DLGAP1: variants seen among roughly 807,000 people sequenced by gnomAD.
DLGAP1 encodes disks large-associated protein 1.
DLGAP1 carries 11 observed loss-of-function variants against 90.8 expected under a neutral mutation model. The observed-to-expected ratio is 0.12, with a 90% confidence interval of 0.08 to 0.20. The LOEUF (loss-of-function observed/expected upper bound fraction) is 0.20, where lower values mean the gene tolerates loss of function less well. Ranked by LOEUF, DLGAP1 falls within the 10% of genes least tolerant of loss-of-function variation. The probability of loss-of-function intolerance (pLI) is 1.00; values close to 1 mark genes in which losing one functional copy is unlikely to be tolerated. For synonymous variants in DLGAP1, 558 were observed against 540.7 expected (o/e 1.03, Z -0.44); for missense variants, 1,050 against 1,333.8 (o/e 0.79, Z 3.31).
Position 4,203,032 on chromosome 18 carries a change from T to C in DLGAP1, c.-266-51745A>G, listed in dbSNP as rs778312040. Among the ~76,000 whole-genome samples, 97 of 152,206 alleles carry C rather than the reference T, an allele frequency of 6.4e-4. 1 individual carries two copies. The highest frequency in any genetic ancestry group is 1.2e-3 in the Non-Finnish European group (84 of 68,016). On this transcript the variant is annotated intron_variant, in intron 1 of 12. Transcript: ENST00000315677. ...GGCTCATGCCTGTAATCCTAGCACT[T>C]TGGGAGGCAGAGGTGGGCAGATATC... is the stretch of plus-strand genomic sequence containing the variant.
intron 1 of DLGAP1, among the ~76,000 whole-genome samples, chr18:4,187,902 C>G: frequency 6.6e-6 from 1 of 152,004 alleles, no homozygotes; most frequent in East Asian, 1.9e-4. Flanking sequence ...AAGTCTGAGG[C>G]ACGAGAATTA....
chr18:3,861,892 T>C (rs1044511678), intron 4 of DLGAP1, among the ~76,000 whole-genome samples: 2 of 152,242 alleles, frequency 1.3e-5, no homozygotes, highest in African/African-American at 4.8e-5. Flanking sequence ...TGAAGTGATC[T>C]CTCTCTTTCC....
At chr18:3,969,457 G>A (rs571110027) in intron 3 of DLGAP1, among the ~76,000 whole-genome samples, 26 of 152,188 alleles carry the variant, frequency 1.7e-4, no homozygotes, top group East Asian at 5.8e-4. Flanking sequence ...CATTCTAGCC[G>A]TAGGAAAAGA....
At chr18:3,839,884 A>T (rs962298514) in intron 4 of DLGAP1, among the ~76,000 whole-genome samples, 14 of 152,190 alleles carry the variant, frequency 9.2e-5, no homozygotes, top group Admixed American at 2.6e-4. Flanking sequence ...TCTCTTCTGA[A>T]CAGGACATTC....
chr18:4,119,631 C>T (rs1338024121), intron 2 of DLGAP1, among the ~76,000 whole-genome samples: 2 of 152,126 alleles, frequency 1.3e-5, no homozygotes, highest in Non-Finnish European at 2.9e-5. Flanking sequence ...AGAGCTAGGA[C>T]TAGAATCAGG....
At chr18:3,997,898 A>G (rs2149066671) in intron 3 of DLGAP1, among the ~76,000 whole-genome samples, 1 of 152,236 alleles carries the variant, frequency 6.6e-6, no homozygotes, top group East Asian at 1.9e-4. Context: ...ACGTGTACAG[A>G]ACATCTCAAT....
chr18:4,136,034 C>T (rs1372492314), intron 2 of DLGAP1, among the ~76,000 whole-genome samples: 4 of 151,596 alleles, frequency 2.6e-5, no homozygotes, highest in Non-Finnish European at 5.9e-5. Context: ...CACCTCATGA[C>T]AGGCCCGATG....
Position 3,502,288 on chromosome 18 carries a change from G to A in DLGAP1, c.2724+205C>T, listed in dbSNP as rs948259855. On this transcript the variant is annotated intron_variant, in intron 12 of 12. Transcript: ENST00000315677. ...CCCATTTTCCAATTCACAAAGACAGGTTTTTCTTTAAAAATATGCCTGAAA... is the reference window on the plus strand; with the variant it reads ...CCCATTTTCCAATTCACAAAGACAGATTTTTCTTTAAAAATATGCCTGAAA... The A allele has an allele frequency of 2.1e-5, 28 of 1,333,278 alleles. No individual in the cohort carries two copies. In the Admixed American group the frequency reaches 5.9e-4, roughly 28 times the overall value. The allele number at this position is 1,333,278 out of a possible 1,614,324, so 82.6% of individuals were successfully genotyped here. A position where few individuals can be genotyped will look rare whatever the true frequency, so the allele number is the denominator to read the frequency against.
At chr18:4,173,446 C>T (rs2077055988) in intron 1 of DLGAP1, among the ~76,000 whole-genome samples, 6 of 152,126 alleles carry the variant, frequency 3.9e-5, no homozygotes, top group Admixed American at 2.6e-4. Context: ...CATACAATGC[C>T]TCTCTCCTCA....
At chr18:3,908,210 G>A (rs1306772896) in intron 3 of DLGAP1, among the ~76,000 whole-genome samples, 1 of 152,114 alleles carries the variant, frequency 6.6e-6, no homozygotes, top group African/African-American at 2.4e-5. Context: ...TGGGCAAAAT[G>A]AGAAAAACAC....
intron 7 of DLGAP1, among the ~76,000 whole-genome samples, chr18:3,602,404 G>C (rs975743131): frequency 6.6e-6 from 1 of 151,978 alleles, no homozygotes; most frequent in Non-Finnish European, 1.5e-5. Context: ...GACCATCCTG[G>C]CTAAGACAGT....
intron 1 of DLGAP1, among the ~76,000 whole-genome samples, chr18:4,453,158 AT>A (rs1228449481): frequency 6.6e-6 from 1 of 152,210 alleles, no homozygotes; most frequent in African/African-American, 2.4e-5. Context: ...ACAACTTTAC[AT>A]TTAAGTACTA....
chr18:4,260,337 C>G (rs1456391090), intron 1 of DLGAP1, among the ~76,000 whole-genome samples: 1 of 152,306 alleles, frequency 6.6e-6, no homozygotes, highest in African/African-American at 2.4e-5. Flanking sequence ...TACAGTTATA[C>G]AGTTACCTTA....
intron 7 of DLGAP1, among the ~76,000 whole-genome samples, chr18:3,651,232 G>A (rs1245336114): frequency 1.2e-4 from 18 of 152,080 alleles, no homozygotes; most frequent in African/African-American, 3.1e-4. Context: ...GGTGGCAGGC[G>A]CCTGTAATCC....
chr18:4,232,637 C>G (rs2145063604), intron 1 of DLGAP1, among the ~76,000 whole-genome samples: 1 of 152,168 alleles, frequency 6.6e-6, no homozygotes, highest in Non-Finnish European at 1.5e-5. Flanking sequence ...ACATTAAGAA[C>G]AAGGAAACAA....
chr18:3,757,782 A>G (rs998529493), intron 5 of DLGAP1, among the ~76,000 whole-genome samples: 1 of 152,210 alleles, frequency 6.6e-6, no homozygotes, highest in Admixed American at 6.5e-5. Context: ...CCAGCAGGGA[A>G]TATCACACTT....
intron 2 of DLGAP1, among the ~76,000 whole-genome samples, chr18:4,099,740 G>A (rs2075750357): frequency 7.0e-6 from 1 of 143,706 alleles, no homozygotes; most frequent in Non-Finnish European, 1.5e-5. Context: ...GTCTTGCACT[G>A]TCACTCAGCC....
At chr18:3,902,284 C>T (rs1212995756) in intron 3 of DLGAP1, among the ~76,000 whole-genome samples, 1 of 152,078 alleles carries the variant, frequency 6.6e-6, no homozygotes, top group Non-Finnish European at 1.5e-5. Flanking sequence ...TTAATTTTAT[C>T]CCAAATGGCA....
intron 2 of DLGAP1, among the ~76,000 whole-genome samples, chr18:4,081,008 C>A (rs1207977893): frequency 6.6e-6 from 1 of 152,034 alleles, no homozygotes; most frequent in African/African-American, 2.4e-5. Flanking sequence ...CCTGCCTCAG[C>A]CTCCCGAGTA....
Sources: gnomAD v4.1 joint callset for allele counts (sites outside exome capture counted in the v4.1 genomes callset) on GRCh38, gnomAD v4.1.1 for gene constraint, MANE v1.5 for transcripts, NCBI Gene and HGNC (gene_info 2026-07-23, HGNC 2026-07-21) for gene names.